The following COX7A2L variants were observed in gnomAD, a reference collection of about 807,000 sequenced individuals.
The protein encoded by COX7A2L is cytochrome c oxidase subunit 7A2-like, mitochondrial.
COX7A2L carries 18 observed loss-of-function variants against 14.2 expected under a neutral mutation model. The ratio of observed to expected loss-of-function variants is 1.27; its 90% CI spans 0.88 to 1.88. The LOEUF is 1.88. COX7A2L is among the 40% of genes most tolerant of loss of function. The pLI is 0.00. For missense variants in COX7A2L, 179 were observed against 138.8 expected (o/e 1.29, Z -1.46); for synonymous variants, 65 against 57.4 (o/e 1.13, Z -0.60).
rs367985723 is a variant in COX7A2L at position 42,351,382 on chromosome 2, G to A, written c.205-23C>T. ...TTTCTTGAAAGCAAGAATTAACAAG[G>A]GCATGGTTGAGAAGAAAAATATTTT... On this transcript the variant is annotated intron_variant, in intron 2 of 2. Transcript: ENST00000234301. 3 of 1,607,178 alleles carry A rather than the reference G, an allele frequency of 1.9e-6. No homozygotes were observed. The African/African-American group carries it at 4.0e-5, about 22-fold the overall frequency.
At chr2:42,343,921 C>T (rs1253566977) in intron 2 of COX7A2L, among the ~76,000 whole-genome samples, 5 of 152,186 alleles carry the variant, frequency 3.3e-5, no homozygotes, top group African/African-American at 7.2e-5. Flanking sequence ...AGCTTCACAG[C>T]AAAGTCACAC....
intron 1 of COX7A2L, among the ~76,000 whole-genome samples, chr2:42,355,281 G>C (rs754708406): frequency 1.2e-4 from 18 of 152,306 alleles, no homozygotes; most frequent in Middle Eastern, 3.4e-3. Context: ...ACTGGATGGA[G>C]AATGTTAGAT....
chr2:42,352,692 T>C (rs1670685668), intron 2 of COX7A2L, among the ~76,000 whole-genome samples: 1 of 152,188 alleles, frequency 6.6e-6, no homozygotes, highest in Non-Finnish European at 1.5e-5. Flanking sequence ...CACTAATTTC[T>C]CAATAATTTG....
chr2:42,354,803 T>C (rs1319980341), intron 1 of COX7A2L, among the ~76,000 whole-genome samples: 2 of 152,232 alleles, frequency 1.3e-5, no homozygotes, highest in Admixed American at 1.3e-4. Flanking sequence ...TGAATAACAT[T>C]GCCACAGTCT....
At chr2:42,340,341 C>T (rs985495350) in intron 2 of COX7A2L, among the ~76,000 whole-genome samples, 11 of 152,228 alleles carry the variant, frequency 7.2e-5, no homozygotes, top group African/African-American at 2.7e-4. Context: ...GGCTGTCACT[C>T]CCAGGCCCCC....
chr2:42,344,997 GT>G (rs1670468441), downstream of COX7A2L, among the ~76,000 whole-genome samples: 1 of 152,118 alleles, frequency 6.6e-6, no homozygotes, highest in Admixed American at 6.5e-5. Flanking sequence ...GAAAAACCTT[GT>G]TTTCATAAAC....
upstream of COX7A2L, among the ~76,000 whole-genome samples, chr2:42,363,558 C>T (rs1215080424): frequency 6.6e-6 from 1 of 152,176 alleles, no homozygotes; most frequent in East Asian, 1.9e-4. Context: ...GAAAATGTTA[C>T]AACAGCCAGG....
rs189458856 is a variant in COX7A2L at position 42,339,373 on chromosome 2, C to T, written c.193-5504G>A. Among the ~76,000 whole-genome samples, 2 of 152,214 alleles carry T rather than the reference C, an allele frequency of 1.3e-5. No individual in the cohort carries two copies. Among genetic ancestry groups the T allele is most frequent in the African/African-American group, 2.4e-5 (1 of 41,528 alleles). ...TAGGCTCCGTTCCACACCACTCACT[C>T]GAAGCATGAGAGACACACACTAGTG... On this transcript the variant is annotated intron_variant, in intron 2 of 2. Coordinates refer to the COX7A2L transcript ENST00000468711. This position sits in a 1 kb window ranked among gnomAD's most constrained non-coding sequence, Gnocchi z 5.4.
At chr2:42,361,042 C>T in intron 1 of COX7A2L, 48 bp downstream of exon 1, 1 of 1,602,722 alleles carries the variant, frequency 6.2e-7, no homozygotes, top group South Asian at 1.1e-5. Context: ...GTCGCCGAGG[C>T]TAGGGCCGCC....
At position 42,353,156 on chromosome 2, in the gene COX7A2L, A is replaced by AT. The variant is rs763886037; in HGVS notation, c.204+55dup. On this transcript the variant is annotated intron_variant, in intron 2 of 2. Transcript: ENST00000234301. ...AGATTAAGATTTAGTTTCATAAGGG[A>AT]TTTTTTAAGCCTATTTATTTCACAG... The AT allele has an allele frequency of 1.6e-5, 25 of 1,583,312 alleles. No homozygotes were observed. The East Asian group carries it at 3.1e-4, about 20-fold the overall frequency.
At chr2:42,347,634 T>C (rs1027649849), downstream of COX7A2L, among the ~76,000 whole-genome samples, 2 of 152,038 alleles carry the variant, frequency 1.3e-5, no homozygotes, top group African/African-American at 4.8e-5. Context: ...GCAAAGAAAA[T>C]GCGTTGGCCG....
At chr2:42,363,340 G>C (rs2103918500), upstream of COX7A2L, among the ~76,000 whole-genome samples, 1 of 152,332 alleles carries the variant, frequency 6.6e-6, no homozygotes, top group Middle Eastern at 3.4e-3. Context: ...AGATTGAAAA[G>C]AGAAATTAAA....
chr2:42,337,499 G>T (rs1008141563), intron 2 of COX7A2L, among the ~76,000 whole-genome samples: 2 of 152,134 alleles, frequency 1.3e-5, no homozygotes, highest in African/African-American at 4.8e-5. Flanking sequence ...GGCACAAGGG[G>T]ATTCCTCTGC....
chr2:42,348,494 A>T (rs1478764717), downstream of COX7A2L, among the ~76,000 whole-genome samples: 1 of 152,200 alleles, frequency 6.6e-6, no homozygotes, highest in Admixed American at 6.5e-5. Context: ...TTTAACCTGA[A>T]ACCACCAATG....
At position 42,351,343 on chromosome 2, in the gene COX7A2L, G is replaced by A. The variant is rs145811069; in HGVS notation, c.221C>T (p.Pro74Leu). ...AGGCAGGCCTCGTTTCAGGTAGACG[G>A]GCACACCATCAGCTTTCTTGAAAGC... ...QKFFQKADGV[P>L]VYLKRGLPDQ... Residue 74 changes from proline (P) to leucine (L), a missense_variant, in exon 3 of 3, where the codon CCC becomes CTC. Pro to Leu is a moderately conservative substitution (Grantham distance 98). Coordinates refer to ENST00000234301, the MANE Select transcript of COX7A2L (RefSeq NM_004718.4). 502 of 1,613,838 alleles carry A rather than the reference G, an allele frequency of 3.1e-4. 3 individuals are homozygous for A. Among genetic ancestry groups the A allele is most frequent in the Admixed American group, 7.3e-4 (44 of 59,982 alleles).
chr2:42,359,347 G>A (rs780709064), intron 1 of COX7A2L: 1 of 152,154 alleles, frequency 6.6e-6, no homozygotes, highest in African/African-American at 2.4e-5. Flanking sequence ...ATTGACAGAG[G>A]GTACAAGGGA....
At chr2:42,363,768 G>T (rs1671105969), upstream of COX7A2L, among the ~76,000 whole-genome samples, 1 of 152,142 alleles carries the variant, frequency 6.6e-6, no homozygotes, top group Non-Finnish European at 1.5e-5. Flanking sequence ...GATCCCTTCA[G>T]GTTGTTCCCC....
At chr2:42,345,476 A>G (rs999950920), downstream of COX7A2L, among the ~76,000 whole-genome samples, 28 of 151,100 alleles carry the variant, frequency 1.9e-4, no homozygotes, top group African/African-American at 6.9e-4. Context: ...TAAATTGCAA[A>G]AAAAAAAACT....
chr2:42,352,950 A>G, intron 2 of COX7A2L: 1 of 505,638 alleles, frequency 2.0e-6, no homozygotes, highest in East Asian at 3.3e-5. Flanking sequence ...CCATGCAATA[A>G]ATGATCAAGA....
Sources: gnomAD v4.1 joint callset for allele counts (sites outside exome capture counted in the v4.1 genomes callset) on GRCh38, gnomAD v4.1.1 for gene constraint, Gnocchi (gnomAD v3.1) non-coding constraint, MANE v1.5 for transcripts, NCBI Gene and HGNC (gene_info 2026-07-23, HGNC 2026-07-21) for gene names.